AP3B1: variants seen among roughly 807,000 people sequenced by gnomAD.
The protein encoded by AP3B1 is AP-3 complex subunit beta-1.
Under a neutral mutation model 132.5 loss-of-function variants are expected in AP3B1, and 61 were observed. The observed-to-expected ratio is 0.46, with a 90% CI of 0.37 to 0.57. The LOEUF (loss-of-function observed/expected upper bound fraction) is 0.57, where lower values mean the gene tolerates loss of function less well. Among genes scored for constraint, AP3B1 ranks in the 20% least tolerant of loss-of-function variants. The pLI, the probability that AP3B1 is intolerant of heterozygous loss-of-function variation, is 0.00. For missense variants in AP3B1, 1,120 were observed against 1,289.4 expected, an observed-to-expected ratio of 0.87 and a Z score of 2.01; for synonymous variants, 388 against 438.3, an observed-to-expected ratio of 0.89 and a Z score of 1.43.
chr5:78,162,210 G>A (rs1159882387), intron 13 of AP3B1, among the ~76,000 whole-genome samples: 2 of 151,952 alleles, frequency 1.3e-5, no homozygotes, highest in South Asian at 2.1e-4. Context: ...AATAACTGAC[G>A]CTTTGCCACA....
chr5:78,234,432 CT>C (rs1223909805), intron 3 of AP3B1, among the ~76,000 whole-genome samples: 2 of 152,074 alleles, frequency 1.3e-5, no homozygotes, highest in Non-Finnish European at 2.9e-5. Context: ...TTTAGAAGCG[CT>C]TCTCTAACTA....
intron 26 of AP3B1, among the ~76,000 whole-genome samples, chr5:78,014,282 T>A (rs1054744749): frequency 1.3e-5 from 2 of 152,042 alleles, no homozygotes; most frequent in Non-Finnish European, 2.9e-5. Flanking sequence ...CCGTGATTAG[T>A]ACAGTGAAGT....
chr5:78,190,286 T>C (rs572302976), intron 7 of AP3B1, among the ~76,000 whole-genome samples: 3 of 152,296 alleles, frequency 2.0e-5, no homozygotes, highest in African/African-American at 7.2e-5. Context: ...GAGAACATCA[T>C]GACACAGCTT....
At chr5:78,285,565 G>A (rs1171175781) in intron 1 of AP3B1, among the ~76,000 whole-genome samples, 1 of 151,950 alleles carries the variant, frequency 6.6e-6, no homozygotes, top group Non-Finnish European at 1.5e-5. Context: ...CCTCCTCTAA[G>A]CTCCACACTC....
chr5:78,208,686 G>T (rs1745611904), intron 7 of AP3B1, among the ~76,000 whole-genome samples: 2 of 152,114 alleles, frequency 1.3e-5, no homozygotes, highest in Non-Finnish European at 2.9e-5. Context: ...GGGTAGAACT[G>T]ACATTGGGTA....
chr5:78,003,026 G>C lies in AP3B1; in HGVS notation c.3161C>G (p.Ser1054Ter). 1 of 1,614,162 alleles carries C rather than the reference G, an allele frequency of 6.2e-7. No individual in the cohort carries two copies. Among genetic ancestry groups the C allele is most frequent in the East Asian group, 2.2e-5 (1 of 44,882 alleles). Reference protein sequence around the residue: ...RFAAKTVHSGSLMLVTVELKE... With the variant: ...RFAAKTVHSG Reference sequence around the variant, plus strand: ...CAGTTCCACTGTGACTAGCATCAATGACCCACTGTGCACAGTTTTAGCTGC... The same window carrying C: ...CAGTTCCACTGTGACTAGCATCAATCACCCACTGTGCACAGTTTTAGCTGC... The change falls in exon 27 of 27, where the codon TCA (serine) becomes TGA (stop). Residue 1054 changes from serine to a stop codon, truncating the protein, a stop_gained. Transcript: ENST00000255194. LOFTEE classifies it high-confidence loss of function.
chr5:78,158,459 CA>C (rs150157827), intron 13 of AP3B1, among the ~76,000 whole-genome samples: 2,246 of 149,098 alleles, frequency 0.015, 58 homozygotes, highest in African/African-American at 0.052. Context: ...AAAGAAAAAA[CA>C]AAAAAAAACC....
chr5:78,126,292 G>A (rs1341838113), intron 17 of AP3B1, among the ~76,000 whole-genome samples: 3 of 151,740 alleles, frequency 2.0e-5, no homozygotes, highest in Non-Finnish European at 2.9e-5. Flanking sequence ...ATCACTTGAG[G>A]TCACGAGTTT....
chr5:78,205,164 G>A (rs545978086), intron 7 of AP3B1, among the ~76,000 whole-genome samples: 28 of 151,958 alleles, frequency 1.8e-4, no homozygotes, highest in African/African-American at 2.4e-4. Flanking sequence ...AACAATATAC[G>A]ACATAAAGAT....
chr5:78,025,793 A>C (rs1747317446), intron 24 of AP3B1, among the ~76,000 whole-genome samples: 1 of 152,222 alleles, frequency 6.6e-6, no homozygotes. Context: ...GGAGGATAAT[A>C]AATCCTTATT....
intron 3 of AP3B1, among the ~76,000 whole-genome samples, chr5:78,237,254 G>A (rs1746915660): frequency 6.6e-6 from 1 of 152,144 alleles, no homozygotes; most frequent in South Asian, 2.1e-4. Context: ...CCAGCACTTT[G>A]GGAGGCCAAG....
intron 13 of AP3B1, among the ~76,000 whole-genome samples, chr5:78,156,614 T>A (rs1380102300): frequency 6.6e-6 from 1 of 152,214 alleles, no homozygotes; most frequent in African/African-American, 2.4e-5. Context: ...CTTTCTTATC[T>A]CTGCATCTTT....
chr5:78,018,665 T>C (rs1166867823), intron 25 of AP3B1, among the ~76,000 whole-genome samples: 1 of 138,758 alleles, frequency 7.2e-6, no homozygotes, highest in Admixed American at 7.8e-5. Context: ...CGGTTAAAGC[T>C]GGTGTAACAC....
intron 23 of AP3B1, among the ~76,000 whole-genome samples, chr5:78,034,655 C>T (rs144997821): frequency 2.6e-5 from 4 of 151,966 alleles, no homozygotes; most frequent in East Asian, 1.9e-4. Flanking sequence ...ATTAATTCTG[C>T]GCATACACCA....
At chr5:78,099,008 G>C (rs894887170) in intron 21 of AP3B1, among the ~76,000 whole-genome samples, 1 of 152,144 alleles carries the variant, frequency 6.6e-6, no homozygotes, top group Admixed American at 6.5e-5. Context: ...ACTATGGTGG[G>C]GCCTTTAGTA....
At chr5:78,152,509 A>G (rs1338394054) in intron 14 of AP3B1, among the ~76,000 whole-genome samples, 1 of 152,122 alleles carries the variant, frequency 6.6e-6, no homozygotes, top group South Asian at 2.1e-4. Context: ...GAATTTCTGC[A>G]GTATCAGTTA....
chr5:78,204,188 G>A (rs768985119), intron 7 of AP3B1, among the ~76,000 whole-genome samples: 4 of 152,104 alleles, frequency 2.6e-5, no homozygotes, highest in Non-Finnish European at 4.4e-5. Flanking sequence ...ATATTATAAT[G>A]TGGTAACTAA....
intron 22 of AP3B1, among the ~76,000 whole-genome samples, chr5:78,066,618 A>C (rs568671734): frequency 6.6e-6 from 1 of 152,328 alleles, no homozygotes; most frequent in South Asian, 2.1e-4. Flanking sequence ...AAATTAGAGA[A>C]AAATGAATGA....
intron 4 of AP3B1, 100 bp from the exon 5 acceptor site, chr5:78,227,632 A>G: frequency 8.9e-7 from 1 of 1,120,742 alleles, no homozygotes; most frequent in Non-Finnish European, 1.3e-6. Flanking sequence ...GTGTAATATG[A>G]CAATAGCAAA....
Sources: gnomAD v4.1 joint callset for allele counts (sites outside exome capture counted in the v4.1 genomes callset) on GRCh38, gnomAD v4.1.1 for gene constraint, MANE v1.5 for transcripts, NCBI Gene and HGNC (gene_info 2026-07-23, HGNC 2026-07-21) for gene names.